The following GPATCH8 variants were observed in gnomAD, a reference collection of about 807,000 sequenced individuals.
GPATCH8 encodes G-patch domain containing 8.
A neutral mutation model predicts 118.3 loss-of-function variants in GPATCH8; 18 were observed. That is an observed-to-expected ratio of 0.15 (90% CI 0.11 to 0.23). The LOEUF is 0.23. Among genes scored for constraint, GPATCH8 ranks in the 10% least tolerant of loss-of-function variants. The probability of loss-of-function intolerance (pLI) is 1.00; values close to 1 mark genes in which losing one functional copy is unlikely to be tolerated. For missense variants in GPATCH8, 1,631 were observed against 1,873.8 expected, an observed-to-expected ratio of 0.87 and a Z score of 2.39; for synonymous variants, 659 against 684.7, an observed-to-expected ratio of 0.96 and a Z score of 0.59.
chr17:44,446,386 G>C (rs551231116), intron 3 of GPATCH8, among the ~76,000 whole-genome samples: 8 of 152,066 alleles, frequency 5.3e-5, no homozygotes, highest in Non-Finnish European at 1.2e-4. Flanking sequence ...CTAACACGGC[G>C]AAACCCAGTC....
chr17:44,446,730 T>C (rs1379604680), intron 3 of GPATCH8, among the ~76,000 whole-genome samples: 2 of 152,166 alleles, frequency 1.3e-5, no homozygotes, highest in South Asian at 4.1e-4. Context: ...AAACTTACTA[T>C]TGTTTTTCCA....
At chr17:44,442,815 C>A (rs957709701) in intron 3 of GPATCH8, among the ~76,000 whole-genome samples, 2 of 152,158 alleles carry the variant, frequency 1.3e-5, no homozygotes, top group African/African-American at 4.8e-5. Context: ...TGGTGGCTCA[C>A]GCCTGTAATC....
intron 3 of GPATCH8, among the ~76,000 whole-genome samples, chr17:44,449,264 C>T (rs937361635): frequency 5.9e-5 from 9 of 152,056 alleles, no homozygotes; most frequent in African/African-American, 9.7e-5. Context: ...GCAACAATAG[C>T]GAAACTGTCT....
chr17:44,497,673 T>C (rs1429291842), intron 1 of GPATCH8, among the ~76,000 whole-genome samples: 6 of 147,620 alleles, frequency 4.1e-5, no homozygotes, highest in African/African-American at 1.0e-4. Context: ...GGTGCAGTGG[T>C]GCATGCCTGT....
chr17:44,429,897 C>T lies in GPATCH8; in HGVS notation c.348+5168G>A, dbSNP rs567899052. Among the ~76,000 whole-genome samples, 19 of 151,772 alleles carry T rather than the reference C, an allele frequency of 1.3e-4. No individual in the cohort carries two copies. In the South Asian group the frequency reaches 3.7e-3, roughly 30 times the overall value. ...AAACAAAATTAGCTGGACGTGGTGG[C>T]GCACGCCTGTAATCCCAGCTACTTG... is the stretch of plus-strand genomic sequence containing the variant. On this transcript the variant is annotated intron_variant, in intron 5 of 7. Transcript: ENST00000591680.
chr17:44,426,213 G>T (rs2050084172), intron 5 of GPATCH8, among the ~76,000 whole-genome samples: 1 of 152,206 alleles, frequency 6.6e-6, no homozygotes, highest in Non-Finnish European at 1.5e-5. Context: ...AAGAACAAAG[G>T]GATGAACTTG....
intron 2 of GPATCH8, chr17:44,474,485 G>C (rs1250346476): frequency 1.2e-5 from 4 of 337,578 alleles, no homozygotes; most frequent in African/African-American, 4.3e-5. Flanking sequence ...TATTGCCCAA[G>C]AAAGGTGAAG....
At chr17:44,503,228 A>G in intron 1 of GPATCH8, 98 bp downstream of exon 1, 1 of 1,147,862 alleles carries the variant, frequency 8.7e-7, no homozygotes. Flanking sequence ...CGCAAGTCGG[A>G]GCAAAACTGG....
intron 6 of GPATCH8, among the ~76,000 whole-genome samples, chr17:44,411,323 C>T (rs1007533193): frequency 6.6e-6 from 1 of 152,136 alleles, no homozygotes; most frequent in Non-Finnish European, 1.5e-5. Flanking sequence ...GTAAGACACA[C>T]ATTTCTGCAC....
chr17:44,414,119 A>ATATATATGTGTATATATATATATGTG (rs2049574449), intron 6 of GPATCH8, among the ~76,000 whole-genome samples: 1 of 31,712 alleles, frequency 3.2e-5, no homozygotes, highest in Non-Finnish European at 1.0e-4. Flanking sequence ...ATATATATGT[A>ATATATATGTGTATATATATATATGTG]TATATATGTG....
rs778323094 is a variant in GPATCH8 at position 44,399,853 on chromosome 17, C to T, written c.2224G>A (p.Ala742Thr). Residue 742 changes from alanine (A) to threonine (T), a missense_variant, in exon 8 of 8, where the codon GCA (alanine) becomes ACA (threonine). By Grantham distance (58) the Ala-to-Thr change is moderately conservative (BLOSUM62 0). Coordinates refer to ENST00000591680, the MANE Select transcript of GPATCH8 (RefSeq NM_001002909.4). ...GCTCTCCGCCTTCTTCTTGGTGGTG[C>T]GGGACTGCCACTCCCAGGGGGTTCT... ...KPEPPGSGSP[A>T]PPRRRRRAQD... 26 of 1,613,728 alleles carry T rather than the reference C, an allele frequency of 1.6e-5. No individual in the cohort carries two copies. Among genetic ancestry groups the T allele is most frequent in the Middle Eastern group, 1.6e-4 (1 of 6,062 alleles).
At chr17:44,474,482 C>T in intron 2 of GPATCH8, 1 of 331,522 alleles carries the variant, frequency 3.0e-6, no homozygotes, top group South Asian at 2.8e-5. Flanking sequence ...TTATATTGCC[C>T]AAGAAAGGTG....
chr17:44,457,613 G>C (rs1254238029), intron 3 of GPATCH8, among the ~76,000 whole-genome samples: 1 of 152,148 alleles, frequency 6.6e-6, no homozygotes, highest in Non-Finnish European at 1.5e-5. Context: ...ATGTGCTTAA[G>C]AATTTTATAT....
intron 3 of GPATCH8, among the ~76,000 whole-genome samples, chr17:44,440,220 AG>A (rs1344682844): frequency 6.6e-6 from 1 of 152,244 alleles, no homozygotes; most frequent in Non-Finnish European, 1.5e-5. Context: ...AACTTCAACC[AG>A]AACACTAAAT....
At chr17:44,411,625 C>A (rs570842893) in intron 6 of GPATCH8, among the ~76,000 whole-genome samples, 2 of 152,290 alleles carry the variant, frequency 1.3e-5, no homozygotes, top group South Asian at 4.1e-4. Flanking sequence ...TACATTTACT[C>A]AGCTCTGAAG....
At position 44,405,918 on chromosome 17, in the gene GPATCH8, C is replaced by T. The variant is rs2049203841; in HGVS notation, c.623+3G>A. 1.9e-6 allele frequency: 3 copies of T among 1,603,460 alleles called. No individual in the cohort carries two copies. Among genetic ancestry groups the T allele is most frequent in the Non-Finnish European group, 2.6e-6 (3 of 1,170,322 alleles). ...ACAACCCTCTGATAAAAAATATCCT[C>T]ACCATTCAGCTTGTTTTCTTTGCTC... On this transcript the variant is annotated splice_donor_region_variant and intron_variant, in intron 7 of 7. Transcript: ENST00000591680.
chr17:44,450,270 G>A (rs1174011176), intron 3 of GPATCH8, among the ~76,000 whole-genome samples: 1 of 152,170 alleles, frequency 6.6e-6, no homozygotes, highest in African/African-American at 2.4e-5. Context: ...TCACAGAAAA[G>A]GAATCTGAAT....
At chr17:44,468,037 T>C (rs944531967) in intron 2 of GPATCH8, among the ~76,000 whole-genome samples, 1 of 151,628 alleles carries the variant, frequency 6.6e-6, no homozygotes, top group Non-Finnish European at 1.5e-5. Context: ...AGTCTCACTC[T>C]GTAGCTCAGG....
In GPATCH8 at chr17:44,485,766, G is replaced by A. The variant is rs554850802; in HGVS notation, c.46-10863C>T. On this transcript the variant is annotated intron_variant, in intron 1 of 7. Transcript: ENST00000591680. ...CCTTTAGCTTTATGTTTATACCTTCGTTATGGTACTTGTACTGTGACTCCC... is the reference window on the plus strand; with the variant it reads ...CCTTTAGCTTTATGTTTATACCTTCATTATGGTACTTGTACTGTGACTCCC... 7.9e-5 allele frequency among the ~76,000 whole-genome samples: 12 copies of A among 152,154 alleles called. No homozygotes were observed. In the South Asian group the frequency reaches 2.3e-3, roughly 29 times the overall value.
Sources: allele counts gnomAD v4.1 joint callset (sites outside exome capture counted in the v4.1 genomes callset), GRCh38; gene constraint gnomAD v4.1.1; transcripts MANE v1.5; gene names NCBI Gene and HGNC (gene_info 2026-07-23, HGNC 2026-07-21).